The following R3HDM1 variants were observed in gnomAD, a reference collection of about 807,000 sequenced individuals.
R3HDM1 encodes R3H domain containing 1.
A neutral mutation model predicts 141.1 loss-of-function variants in R3HDM1; 46 were observed. The ratio of observed to expected loss-of-function variants is 0.33; its 90% CI spans 0.26 to 0.42. The LOEUF (loss-of-function observed/expected upper bound fraction) is 0.42, where lower values mean the gene tolerates loss of function less well. Among genes scored for constraint, R3HDM1 ranks in the 10% least tolerant of loss-of-function variants. The probability of loss-of-function intolerance (pLI) is 1.00; values close to 1 mark genes in which losing one functional copy is unlikely to be tolerated. For missense variants in R3HDM1, 1,184 were observed against 1,368.3 expected, an observed-to-expected ratio of 0.87 and a Z score of 2.12; for synonymous variants, 435 against 472.9, an observed-to-expected ratio of 0.92 and a Z score of 1.04.
chr2:135,677,385 A>G (rs192216484), intron 20 of R3HDM1, among the ~76,000 whole-genome samples: 6 of 152,212 alleles, frequency 3.9e-5, no homozygotes, highest in Admixed American at 3.9e-4. Flanking sequence ...CTGTTTCCCC[A>G]TAGTTAAGCA....
intron 1 of R3HDM1, chr2:135,561,477 T>C (rs1701788113): frequency 2.0e-5 from 9 of 444,976 alleles, no homozygotes; most frequent in Non-Finnish European, 2.4e-5. Flanking sequence ...AGCGCTTTGG[T>C]AGGCCAAGGC....
chr2:135,626,874 C>T (rs2062100770), intron 7 of R3HDM1, among the ~76,000 whole-genome samples: 1 of 152,074 alleles, frequency 6.6e-6, no homozygotes, highest in Non-Finnish European at 1.5e-5. Flanking sequence ...GTAGATTTCC[C>T]TGTTCTGGAC....
chr2:135,612,781 T>C (rs1665485088), intron 3 of R3HDM1, among the ~76,000 whole-genome samples: 1 of 152,180 alleles, frequency 6.6e-6, no homozygotes, highest in Admixed American at 6.5e-5. Context: ...CTCTAAATAA[T>C]AAAATCCACT....
chr2:135,647,120 C>T (rs978252895), intron 16 of R3HDM1, among the ~76,000 whole-genome samples: 12 of 152,076 alleles, frequency 7.9e-5, no homozygotes, highest in African/African-American at 1.7e-4. Flanking sequence ...CTTCTAAGAC[C>T]ATAGAAATCA....
chr2:135,561,558 A>G (rs1701799442), intron 1 of R3HDM1, among the ~76,000 whole-genome samples: 1 of 152,086 alleles, frequency 6.6e-6, no homozygotes, highest in Non-Finnish European at 1.5e-5. Flanking sequence ...CTCCACTAAA[A>G]ATATAAAAAA....
chr2:135,638,431 T>A (rs1201781125), intron 11 of R3HDM1, among the ~76,000 whole-genome samples, 187 bp from the exon 12 acceptor site: 1 of 152,218 alleles, frequency 6.6e-6, no homozygotes, highest in Non-Finnish European at 1.5e-5. Flanking sequence ...ATATTATATA[T>A]TTGTTAAAAG....
At chr2:135,643,221 A>AT (rs1019202861) in intron 15 of R3HDM1, among the ~76,000 whole-genome samples, 19 of 152,034 alleles carry the variant, frequency 1.2e-4, no homozygotes, top group Non-Finnish European at 2.6e-4. Flanking sequence ...TGCTCCACCA[A>AT]TTTTTTCTCC....
At position 135,621,620 on chromosome 2, in the gene R3HDM1, TTTTG is replaced by T. The variant is rs767342317; in HGVS notation, c.418+16_418+19del. 5.3e-6 allele frequency: 8 copies of T among 1,520,538 alleles called. No homozygotes were observed. Among genetic ancestry groups the T allele is most frequent in the Non-Finnish European group, 7.0e-6 (8 of 1,145,324 alleles). 94.2% of individuals were successfully genotyped at this position (1,520,538 alleles called of 1,614,324 possible). A position where few individuals can be genotyped will look rare whatever the true frequency, so the allele number is the denominator to read the frequency against. On this transcript the variant is annotated intron_variant, in intron 6 of 26. Transcript: ENST00000683871. ...AATGTTATCAAGAGGTTTGCAGTTC[TTTTG>T]TTTTTTTTTAAAAAAAAATTTTGCT...
At chr2:135,594,264 G>C (rs1237117076) in intron 1 of R3HDM1, among the ~76,000 whole-genome samples, 1 of 152,108 alleles carries the variant, frequency 6.6e-6, no homozygotes, top group Non-Finnish European at 1.5e-5. Context: ...CTAATTTCCA[G>C]CTTTTTATGT....
intron 1 of R3HDM1, among the ~76,000 whole-genome samples, chr2:135,551,519 T>C (rs1161464870): frequency 6.6e-6 from 1 of 152,138 alleles, no homozygotes; most frequent in Non-Finnish European, 1.5e-5. Context: ...ATCTAGAAAA[T>C]ATACTTATTC....
At position 135,717,821 on chromosome 2, in the gene R3HDM1, C is replaced by T. The variant is rs139812429; in HGVS notation, c.2881+2127C>T. Among the ~76,000 whole-genome samples, 408 of 152,302 alleles carry T rather than the reference C, an allele frequency of 2.7e-3. 1 individual carries two copies. The highest frequency in any genetic ancestry group is 8.9e-3 in the African/African-American group (371 of 41,552). ...AAGACTTTAATCATTTACCACATAA[C>T]CCAGCAATTCCACTCCTGGGGGAAA... On this transcript the variant is annotated intron_variant, in intron 24 of 26. Coordinates refer to ENST00000683871, the MANE Select transcript of R3HDM1 (RefSeq NM_001378107.1).
rs540095411 is a variant in R3HDM1, at chr2:135,606,236, A to G, written c.171+1220A>G. 5 of 152,296 alleles carry G rather than the reference A, an allele frequency of 3.3e-5. No individual in the cohort carries two copies. The East Asian group carries it at 9.6e-4, about 29-fold the overall frequency. 9.4% of individuals were successfully genotyped at this position (152,296 alleles called of 1,614,324 possible). ...TGGCTCCTCCAACAAGGTGGGTCCAAAGTAGTCAGACTTCTTATGTGGCAG... is the reference window on the plus strand; with the variant it reads ...TGGCTCCTCCAACAAGGTGGGTCCAGAGTAGTCAGACTTCTTATGTGGCAG... On this transcript the variant is annotated intron_variant, in intron 3 of 26. Coordinates refer to ENST00000683871, the MANE Select transcript of R3HDM1 (RefSeq NM_001378107.1).
chr2:135,723,267 G>T (rs535863957), intron 26 of R3HDM1, among the ~76,000 whole-genome samples: 1 of 151,572 alleles, frequency 6.6e-6, no homozygotes, highest in Non-Finnish European at 1.5e-5. Flanking sequence ...GATTACAGTC[G>T]CCCACCAGCA....
chr2:135,611,456 G>A (rs2060543936), intron 3 of R3HDM1, among the ~76,000 whole-genome samples: 2 of 152,088 alleles, frequency 1.3e-5, no homozygotes, highest in South Asian at 4.1e-4. Flanking sequence ...CAAATGGTAG[G>A]TGCTATTAAC....
intron 24 of R3HDM1, among the ~76,000 whole-genome samples, chr2:135,716,629 T>C (rs2076176361): frequency 6.6e-6 from 1 of 152,196 alleles, no homozygotes; most frequent in Non-Finnish European, 1.5e-5. Flanking sequence ...ACAAGGAATA[T>C]TATGTAGCTA....
chr2:135,713,804 A>T (rs2075899416), intron 23 of R3HDM1, among the ~76,000 whole-genome samples: 1 of 152,160 alleles, frequency 6.6e-6, no homozygotes, highest in African/African-American at 2.4e-5. Context: ...TAAGGAAGGG[A>T]TGGAAGAAAA....
intron 19 of R3HDM1, among the ~76,000 whole-genome samples, chr2:135,664,646 T>C (rs1162468035): frequency 2.0e-5 from 3 of 152,222 alleles, no homozygotes; most frequent in African/African-American, 4.8e-5. Context: ...CTTTTATCCA[T>C]GTGTCCCAGT....
chr2:135,575,948 G>A (rs772030435), intron 1 of R3HDM1, among the ~76,000 whole-genome samples: 3 of 152,134 alleles, frequency 2.0e-5, no homozygotes, highest in Admixed American at 6.5e-5. Flanking sequence ...AACTGGAAAA[G>A]AAAAACTGCT....
chr2:135,709,090 T>C (rs2105435524), intron 21 of R3HDM1, among the ~76,000 whole-genome samples: 1 of 152,314 alleles, frequency 6.6e-6, no homozygotes, highest in East Asian at 1.9e-4. Flanking sequence ...TCCTCTATTC[T>C]TAGTAATTAG....
Sources: gnomAD v4.1 joint callset for allele counts (sites outside exome capture counted in the v4.1 genomes callset) on GRCh38, gnomAD v4.1.1 for gene constraint, MANE v1.5 for transcripts, NCBI Gene and HGNC (gene_info 2026-07-23, HGNC 2026-07-21) for gene names.